The following SGIP1 variants were observed in gnomAD, a reference collection of about 807,000 sequenced individuals.
The protein encoded by SGIP1 is SH3-containing GRB2-like protein 3-interacting protein 1.
In SGIP1, 38 loss-of-function variants were observed where a neutral mutation model predicts 107.5. The ratio of observed to expected loss-of-function variants is 0.35; its 90% CI spans 0.27 to 0.46. The LOEUF (loss-of-function observed/expected upper bound fraction) is 0.46. SGIP1 is among the 20% of genes least tolerant of loss of function. The probability of loss-of-function intolerance (pLI) is 1.00; values close to 1 mark genes in which losing one functional copy is unlikely to be tolerated. For synonymous variants in SGIP1, 365 were observed against 366.1 expected, an observed-to-expected ratio of 1.00 and a Z score of 0.03; for missense variants, 929 against 1,019.5, an observed-to-expected ratio of 0.91 and a Z score of 1.21.
At chr1:66,583,178 G>A in intron 1 of SGIP1, among the ~76,000 whole-genome samples, 1 of 152,060 alleles carries the variant, frequency 6.6e-6, no homozygotes, top group African/African-American at 2.4e-5. Flanking sequence ...GTAATAGTAA[G>A]TCAGAAAAGT....
intron 5 of SGIP1, among the ~76,000 whole-genome samples, chr1:66,641,197 C>T (rs2076727332): frequency 6.6e-6 from 1 of 151,914 alleles, no homozygotes; most frequent in South Asian, 2.1e-4. Flanking sequence ...AGTTTAAGTG[C>T]TCTTATACAC....
chr1:66,679,538 C>T, intron 13 of SGIP1, 140 bp from the exon 14 acceptor site: 1 of 875,558 alleles, frequency 1.1e-6, no homozygotes, highest in Non-Finnish European at 1.7e-6. Context: ...CTTTGAACTT[C>T]AAAGAAGTAG....
rs149245248 is a variant in SGIP1, at chr1:66,743,708, G to T, written c.*613G>T. The T allele has an allele frequency of 0.01, 1,545 of 152,582 alleles. 9 individuals carry two copies. Among genetic ancestry groups the T allele is most frequent in the Admixed American group, 0.021 (328 of 15,280 alleles). 9.5% of individuals were successfully genotyped at this position (152,582 alleles called of 1,614,324 possible). A position where few individuals can be genotyped will look rare whatever the true frequency, so the allele number is the denominator to read the frequency against. On this transcript the variant is annotated 3_prime_UTR_variant, in exon 25 of 25. Coordinates refer to ENST00000371037, the MANE Select transcript of SGIP1 (RefSeq NM_032291.4). ...ATTCTAAGGTTACAGCATATTCAAAGAAAAGCATTAGTTACCACTTTTTAA... is the reference window on the plus strand; with the variant it reads ...ATTCTAAGGTTACAGCATATTCAAATAAAAGCATTAGTTACCACTTTTTAA...
In SGIP1 at chr1:66,741,274, G is replaced by A; in HGVS notation, c.2302G>A (p.Val768Met). The change falls in exon 24 of 25, where the codon GTG becomes ATG. Residue 768 changes from valine to methionine, a missense_variant and splice_region_variant. Physicochemically the swap from Val to Met is conservative, Grantham distance 21. Coordinates refer to ENST00000371037, the MANE Select transcript of SGIP1 (RefSeq NM_032291.4). ...DISQKSENGG[V>M]GSLLARFQLS... ...TGTAATAATGTGTTTTTTTTTAGGG[G>A]TGGGTTCTTTGTTGGCAAGATTTCA... 1 of 1,573,072 alleles carries A rather than the reference G, an allele frequency of 6.4e-7. No individual in the cohort carries two copies. The highest frequency in any genetic ancestry group is 8.6e-7 in the Non-Finnish European group (1 of 1,162,390).
In SGIP1 at chr1:66,749,506, A is replaced by G. The variant is rs2094597421; in HGVS notation, c.*6411A>G. Among the ~76,000 whole-genome samples the G allele has an allele frequency of 6.9e-6, 1 of 144,652 alleles. No homozygotes were observed. The highest frequency in any genetic ancestry group is 1.5e-5 in the Non-Finnish European group (1 of 65,642). The allele number at this position is 144,652 out of a possible 152,430, so 94.9% of individuals were successfully genotyped here. On this transcript the variant is annotated 3_prime_UTR_variant, in exon 25 of 25. Transcript: ENST00000371037. ...TTTACTTTGCCAATCAGTTACTTTT[A>G]TACCAAATTAACGAAGTTTCTTTAA... is the stretch of plus-strand genomic sequence containing the variant.
intron 1 of SGIP1, among the ~76,000 whole-genome samples, chr1:66,621,522 A>C (rs1045173799): frequency 6.6e-6 from 1 of 152,220 alleles, no homozygotes; most frequent in African/African-American, 2.4e-5. Flanking sequence ...TCTCAATGTC[A>C]TGCAACATAA....
At chr1:66,638,320 G>A (rs922784343) in intron 4 of SGIP1, among the ~76,000 whole-genome samples, 9 of 152,098 alleles carry the variant, frequency 5.9e-5, no homozygotes, top group Non-Finnish European at 8.8e-5. Context: ...CAGTGGCTTC[G>A]TAACGTACAC....
At chr1:66,646,688 C>T (rs776372703) in intron 7 of SGIP1, among the ~76,000 whole-genome samples, 12 of 152,046 alleles carry the variant, frequency 7.9e-5, no homozygotes, top group Non-Finnish European at 1.8e-4. Flanking sequence ...TATGTATATA[C>T]AATATAAACT....
At chr1:66,682,514 C>A in intron 15 of SGIP1, 145 bp downstream of exon 15, 1 of 985,966 alleles carries the variant, frequency 1.0e-6, no homozygotes, top group Non-Finnish European at 1.5e-6. Context: ...GGCCCCACAG[C>A]ATGTCCTAGT....
rs1413743997 is a variant in SGIP1, at chr1:66,643,698, C to T, written c.438C>T (p.Ile146=). Residue 146 remains isoleucine (I), a synonymous_variant, in exon 7 of 25, where the codon ATC becomes ATT. Transcript: ENST00000371037. The stretch of plus-strand genomic sequence containing the variant: ...AATTGAAGGCATCAATAGGCAACAT[C>T]GCACTTTCCCCATCACCAGTGGTGA... ...VDELKASIGN[I]ALSPSPVRKS... is the part of the protein sequence containing the mutation. 13 of 1,609,520 alleles carry T rather than the reference C, an allele frequency of 8.1e-6. No homozygotes were observed. Among genetic ancestry groups the T allele is most frequent in the Admixed American group, 1.7e-5 (1 of 58,992 alleles).
At chr1:66,660,021 AGGAAGGAAGGAAG>A (rs1557498624) in intron 7 of SGIP1, 28 of 124,238 alleles carry the variant, frequency 2.3e-4, no homozygotes, top group Admixed American at 4.2e-4. Context: ...ACAGACAGGA[AGGAAGGAAGGAAG>A]GAAGGAAAGA....
intron 19 of SGIP1, among the ~76,000 whole-genome samples, chr1:66,721,290 A>T (rs1386391060): frequency 6.6e-6 from 1 of 152,210 alleles, no homozygotes; most frequent in Non-Finnish European, 1.5e-5. Context: ...TTGGACAAAG[A>T]ATTTGCATAA....
intron 2 of SGIP1, among the ~76,000 whole-genome samples, chr1:66,626,423 T>C (rs2072794394): frequency 1.3e-5 from 2 of 152,298 alleles, no homozygotes; most frequent in East Asian, 3.9e-4. Flanking sequence ...TTATTGGATA[T>C]TTAGCAGTGA....
intron 1 of SGIP1, among the ~76,000 whole-genome samples, chr1:66,570,997 G>A (rs1364678354): frequency 6.6e-6 from 1 of 151,938 alleles, no homozygotes; most frequent in Non-Finnish European, 1.5e-5. Context: ...TAAATCTGAT[G>A]ATAAATCTTA....
intron 18 of SGIP1, among the ~76,000 whole-genome samples, chr1:66,715,268 A>G (rs1268975988): frequency 2.0e-5 from 3 of 152,168 alleles, no homozygotes; most frequent in Non-Finnish European, 4.4e-5. Context: ...AAGTGGGAAA[A>G]AGTAAAACAC....
intron 1 of SGIP1, among the ~76,000 whole-genome samples, chr1:66,544,659 A>T (rs2055912969): frequency 6.6e-6 from 1 of 152,206 alleles, no homozygotes; most frequent in Non-Finnish European, 1.5e-5. Context: ...ACTGCACTCC[A>T]GCCTGGGCCA....
intron 3 of SGIP1, among the ~76,000 whole-genome samples, chr1:66,635,149 G>T (rs1570995347): frequency 6.6e-6 from 1 of 152,182 alleles, no homozygotes; most frequent in South Asian, 2.1e-4. Flanking sequence ...TTTATTTAAT[G>T]CCAGTTTCTC....
At chr1:66,622,367 T>C (rs17129198) in intron 1 of SGIP1, among the ~76,000 whole-genome samples, 2,577 of 152,316 alleles carry the variant, frequency 0.017, 71 homozygotes, top group African/African-American at 0.056. Flanking sequence ...ACCTCAGCAC[T>C]GGTAGCTGGT....
chr1:66,731,845 C>T (rs886673774), intron 20 of SGIP1, among the ~76,000 whole-genome samples: 1 of 152,140 alleles, frequency 6.6e-6, no homozygotes, highest in Non-Finnish European at 1.5e-5. Context: ...GTTTGCAATC[C>T]CTATGACAGG....
Sources: allele counts gnomAD v4.1 joint callset (sites outside exome capture counted in the v4.1 genomes callset), GRCh38; gene constraint gnomAD v4.1.1; transcripts MANE v1.5; gene names NCBI Gene and HGNC (gene_info 2026-07-23, HGNC 2026-07-21).